Variants in UROS observed in about 807,000 individuals in gnomAD.
UROS encodes uroporphyrinogen-III synthase.
Under a neutral mutation model 33.0 loss-of-function variants are expected in UROS, and 18 were observed. The ratio of observed to expected loss-of-function variants is 0.55; its 90% CI spans 0.38 to 0.81. The LOEUF (loss-of-function observed/expected upper bound fraction) is 0.81, where lower values mean the gene tolerates loss of function less well. UROS is among the 30% of genes least tolerant of loss of function. The pLI, the probability that UROS is intolerant of heterozygous loss-of-function variation, is 0.00. For missense variants in UROS, 293 were observed against 314.9 expected (o/e 0.93, Z 0.53); for synonymous variants, 114 against 121.1 (o/e 0.94, Z 0.38).
chr10:125,807,473 G>A lies in UROS; in HGVS notation c.334C>T (p.Leu112=). ...ATASLVSKIG[L]DTEGETCGNA... The stretch of plus-strand genomic sequence containing the variant: ...CCACAGGTTTCTCCTTCTGTATCCA[G>A]GCCAATTTTACTCACTGGAAAACCA... The change falls in exon 6 of 10, where the codon CTG becomes TTG. Residue 112 remains leucine (L), a synonymous_variant. Transcript: ENST00000368797. 1.2e-6 allele frequency: 2 copies of A among 1,613,982 alleles called. No homozygotes were observed. Among genetic ancestry groups the A allele is most frequent in the East Asian group, 2.2e-5 (1 of 44,876 alleles).
chr10:125,797,284 CT>C (rs995500294), intron 7 of UROS, among the ~76,000 whole-genome samples: 6 of 152,150 alleles, frequency 3.9e-5, no homozygotes, highest in African/African-American at 1.4e-4. Flanking sequence ...GAGAGCTTGC[CT>C]TTGGAGAACA....
intron 9 of UROS, chr10:125,793,998 T>G (rs1227909738): frequency 1.3e-5 from 2 of 152,234 alleles, no homozygotes; most frequent in African/African-American, 4.8e-5. Context: ...TGAGGAACAC[T>G]GACCTCTTTT....
downstream of UROS, among the ~76,000 whole-genome samples, chr10:125,787,962 C>G (rs369787508): frequency 1.3e-5 from 2 of 152,180 alleles, no homozygotes; most frequent in Non-Finnish European, 2.9e-5. Flanking sequence ...CCTGACAAAT[C>G]ATTTCACCTC....
rs143469083 is a variant in UROS at position 125,799,348 on chromosome 10, A to G, written c.395-1203T>C. On this transcript the variant is annotated intron_variant, in intron 6 of 9. Coordinates refer to ENST00000368797, the MANE Select transcript of UROS (RefSeq NM_000375.3). ...TTTCATGCTCTGCATCCCTAGAGAC[A>G]TATTTTCAAAGCCATGTTCAGAGGC... is the stretch of plus-strand genomic sequence containing the variant. Among the ~76,000 whole-genome samples, 84 of 152,296 alleles carry G rather than the reference A, an allele frequency of 5.5e-4. 1 individual carries two copies. In the East Asian group the frequency reaches 0.011, roughly 21 times the overall value.
chr10:125,814,959 T>C (rs1179599968), intron 4 of UROS, 75 bp downstream of exon 4: 1 of 1,524,184 alleles, frequency 6.6e-7, no homozygotes, highest in African/African-American at 1.4e-5. Context: ...CAGCTGCTTC[T>C]GGAATTTAGT....
intron 5 of UROS, among the ~76,000 whole-genome samples, chr10:125,811,764 T>C (rs1041134239): frequency 1.3e-4 from 19 of 151,038 alleles, no homozygotes; most frequent in African/African-American, 4.6e-4. Context: ...GAAGAATAAA[T>C]AGACTCAAGA....
chr10:125,795,421 C>G (rs1851273015), intron 8 of UROS, among the ~76,000 whole-genome samples: 1 of 152,234 alleles, frequency 6.6e-6, no homozygotes, highest in Non-Finnish European at 1.5e-5. Context: ...CTATCAGGCC[C>G]TCCCAATACC....
At chr10:125,821,927 G>A (rs1446270949) in intron 1 of UROS, among the ~76,000 whole-genome samples, 1 of 152,140 alleles carries the variant, frequency 6.6e-6, no homozygotes, top group Non-Finnish European at 1.5e-5. Flanking sequence ...AGGAAAGACC[G>A]AAATCACAGA....
chr10:125,807,569 A>G (rs2133900272), intron 5 of UROS, 82 bp from the exon 6 acceptor site: 1 of 1,055,928 alleles, frequency 9.5e-7, no homozygotes, highest in Non-Finnish European at 1.5e-6. Context: ...ACGTGCAAAT[A>G]CACAGGTATG....
chr10:125,799,097 C>T (rs1851602873), intron 6 of UROS, among the ~76,000 whole-genome samples: 1 of 152,186 alleles, frequency 6.6e-6, no homozygotes, highest in South Asian at 2.1e-4. Context: ...AGCAAAACAA[C>T]CCCTTTCCAT....
chr10:125,790,693 G>A (rs1168607125), intron 9 of UROS, among the ~76,000 whole-genome samples: 2 of 149,530 alleles, frequency 1.3e-5, no homozygotes, highest in African/African-American at 2.5e-5. Context: ...TGAGGCAGGA[G>A]AATTGCTTGA....
At chr10:125,822,821 C>T (rs1211363622) in intron 1 of UROS, among the ~76,000 whole-genome samples, 1 of 152,228 alleles carries the variant, frequency 6.6e-6, no homozygotes, top group African/African-American at 2.4e-5. Flanking sequence ...AAGAAATGCG[C>T]TCCAGAAGCT....
intron 6 of UROS, among the ~76,000 whole-genome samples, chr10:125,801,421 C>A (rs1480810463): frequency 6.6e-6 from 1 of 152,204 alleles, no homozygotes; most frequent in African/African-American, 2.4e-5. Context: ...TAGCTTTAAG[C>A]ACTTACAATA....
intron 6 of UROS, chr10:125,802,516 G>C: frequency 1.0e-6 from 1 of 990,706 alleles, no homozygotes; most frequent in Non-Finnish European, 1.2e-6. Flanking sequence ...TTGGCCTCCA[G>C]AGGGCTTCTC....
Position 125,812,204 on chromosome 10 carries a change from G to GAA in UROS, c.319+9_319+10insTT. 3 of 1,612,692 alleles carry GAA rather than the reference G, an allele frequency of 1.9e-6. No homozygotes were observed. Among genetic ancestry groups the GAA allele is most frequent in the South Asian group, 2.2e-5 (2 of 91,048 alleles). On this transcript the variant is annotated intron_variant, in intron 5 of 9. Coordinates refer to ENST00000368797, the MANE Select transcript of UROS (RefSeq NM_000375.3). ...TTTTTTGTTGTTTTATTTTTACCTT[G>GAA]ACTCCTTACCTAGAGAAGCAGTAGC...
At chr10:125,807,605 T>C (rs1852447478) in intron 5 of UROS, 118 bp from the exon 6 acceptor site, 6 of 800,248 alleles carry the variant, frequency 7.5e-6, no homozygotes, top group Non-Finnish European at 1.3e-5. Context: ...ATAGAGGATG[T>C]CTTTTCTTGA....
At position 125,800,709 on chromosome 10, in the gene UROS, G is replaced by A. The variant is rs117965840; in HGVS notation, c.395-2564C>T. On this transcript the variant is annotated intron_variant, in intron 6 of 9. Transcript: ENST00000368797. ...CCTGAGTAGCTGGGATTACAGACGCGGCCACCAAGCCCAGGTAATTTTTGT... is the reference window on the plus strand; with the variant it reads ...CCTGAGTAGCTGGGATTACAGACGCAGCCACCAAGCCCAGGTAATTTTTGT... Among the ~76,000 whole-genome samples, 1,080 of 151,806 alleles carry A rather than the reference G, an allele frequency of 7.1e-3. 6 individuals carry two copies. The highest frequency in any genetic ancestry group is 0.012 in the Non-Finnish European group (827 of 67,926).
chr10:125,808,233 T>C (rs1464585752), intron 5 of UROS, among the ~76,000 whole-genome samples: 1 of 152,232 alleles, frequency 6.6e-6, no homozygotes, highest in Non-Finnish European at 1.5e-5. Flanking sequence ...CACTGCTACC[T>C]GCTCACAGGA....
At chr10:125,798,485 C>T (rs1851549719) in intron 6 of UROS, among the ~76,000 whole-genome samples, 1 of 152,240 alleles carries the variant, frequency 6.6e-6, no homozygotes, top group African/African-American at 2.4e-5. Context: ...TGCACCTTAA[C>T]TAAGTCAGGA....
Sources: allele counts gnomAD v4.1 joint callset (sites outside exome capture counted in the v4.1 genomes callset), GRCh38; gene constraint gnomAD v4.1.1; transcripts MANE v1.5; gene names NCBI Gene and HGNC (gene_info 2026-07-23, HGNC 2026-07-21).